The following DNAH5 variants were observed in gnomAD, a reference collection of about 807,000 sequenced individuals.
DNAH5 encodes dynein axonemal heavy chain 5.
DNAH5 carries 372 observed loss-of-function variants against 518.2 expected under a neutral mutation model. The ratio of observed to expected loss-of-function variants is 0.72; its 90% CI spans 0.66 to 0.78. DNAH5 has a LOEUF of 0.78. Among genes scored for constraint, DNAH5 ranks in the 30% least tolerant of loss-of-function variants. The pLI is 0.00. For synonymous variants in DNAH5, 2,039 were observed against 2,025.9 expected, an observed-to-expected ratio of 1.01 and a Z score of -0.17; for missense variants, 5,523 against 5,687.0, an observed-to-expected ratio of 0.97 and a Z score of 0.93.
At position 13,729,561 on chromosome 5, in the gene DNAH5, C is replaced by T. The variant is rs757223968; in HGVS notation, c.11762-1G>A. On this transcript the variant is annotated splice_acceptor_variant, in intron 68 of 78. Transcript: ENST00000265104. LOFTEE classifies it high-confidence loss of function. ...GCTTTAAGGTCTAATGAGGCACCTC[C>T]TTTAAAATTAAATATTAAATTATCA... 1 of 1,609,512 alleles carries T rather than the reference C, an allele frequency of 6.2e-7. No individual in the cohort carries two copies. The highest frequency in any genetic ancestry group is 1.1e-5 in the South Asian group (1 of 90,244).
At chr5:13,795,486 C>T (rs1489700670) in intron 47 of DNAH5, among the ~76,000 whole-genome samples, 1 of 152,136 alleles carries the variant, frequency 6.6e-6, no homozygotes, top group Non-Finnish European at 1.5e-5. Context: ...TACACCCTCC[C>T]AAGACTAAAC....
At chr5:13,835,790 C>T (rs1462918056) in intron 35 of DNAH5, among the ~76,000 whole-genome samples, 2 of 152,116 alleles carry the variant, frequency 1.3e-5, no homozygotes, top group Non-Finnish European at 2.9e-5. Context: ...GGAGCTTTTT[C>T]CTTCTTTCTT....
intron 55 of DNAH5, 131 bp from the exon 56 acceptor site, chr5:13,771,111 T>G (rs542749164): frequency 1.0e-4 from 81 of 774,580 alleles, no homozygotes; most frequent in South Asian, 9.5e-4. Context: ...GCTAGGTAGA[T>G]CTGTGTCAGC....
intron 1 of DNAH5, among the ~76,000 whole-genome samples, chr5:13,975,773 C>T (rs781285403): frequency 1.3e-5 from 2 of 152,158 alleles, no homozygotes; most frequent in Non-Finnish European, 2.9e-5. Flanking sequence ...TAACCTGTAG[C>T]TAAAAACTAC....
At chr5:13,789,035 A>G in intron 50 of DNAH5, 121 bp from the exon 51 acceptor site, 1 of 912,332 alleles carries the variant, frequency 1.1e-6, no homozygotes, top group Non-Finnish European at 1.7e-6. Flanking sequence ...TTAAAAAGTT[A>G]GGGTTCAAAT....
Position 13,901,412 on chromosome 5 carries a change from C to T in DNAH5, c.1892G>A (p.Arg631His), listed in dbSNP as rs370272258. 77 of 1,613,868 alleles carry T rather than the reference C, an allele frequency of 4.8e-5. No homozygotes were observed. The highest frequency in any genetic ancestry group is 5.8e-5 in the Non-Finnish European group (69 of 1,179,986). ...CTGCTGAATCCTATGGAAGAGCTGG[C>T]GGGCCCACAAAATCTTTCCAGCGAT... ...PPIAGKILWA[R>H]QLFHRIQQPM... is the part of the protein sequence containing the mutation. Residue 631 changes from arginine (R) to histidine (H), a missense_variant, in exon 14 of 79, where the codon CGC becomes CAC. Arg to His is a conservative substitution (Grantham distance 29). Transcript: ENST00000265104.
chr5:13,945,913 AT>A (rs1318706229), upstream of DNAH5, among the ~76,000 whole-genome samples: 1 of 152,102 alleles, frequency 6.6e-6, no homozygotes, highest in East Asian at 1.9e-4. Context: ...CCTGCAGGAT[AT>A]TTGTTGAAGT....
rs1771835966 is a variant in DNAH5, at chr5:13,882,673, GC to G, written c.3262+54del. 15 of 1,355,918 alleles carry G rather than the reference GC, an allele frequency of 1.1e-5. No homozygotes were observed. The South Asian group carries it at 1.8e-4, about 16-fold the overall frequency. 84.0% of individuals were successfully genotyped at this position (1,355,918 alleles called of 1,614,324 possible). On this transcript the variant is annotated intron_variant, in intron 21 of 78. Transcript: ENST00000265104. ...CATGGAGGGGTTAAAAAACATTTAA[GC>G]TCAATGAATGTTGATTTACAATGCC... is the stretch of plus-strand genomic sequence containing the variant.
chr5:13,717,540 G>GA lies in DNAH5; in HGVS notation c.12500-21dup. The GA allele has an allele frequency of 1.3e-6, 2 of 1,594,742 alleles. No individual in the cohort carries two copies. Among genetic ancestry groups the GA allele is most frequent in the Non-Finnish European group, 1.7e-6 (2 of 1,162,646 alleles). ...TGACACCTGTTGTGGTCAGTTGGGT[G>GA]AAAAATGTATCATCTCTCAAATGTC... On this transcript the variant is annotated intron_variant, in intron 72 of 78. Coordinates refer to ENST00000265104, the MANE Select transcript of DNAH5 (RefSeq NM_001369.3).
chr5:13,773,442 A>C (rs1289268799), intron 55 of DNAH5, among the ~76,000 whole-genome samples: 1 of 152,164 alleles, frequency 6.6e-6, no homozygotes, highest in East Asian at 1.9e-4. Flanking sequence ...AGGATGATTA[A>C]AGCATGTTCA....
chr5:13,713,138 C>T (rs1743744751), intron 75 of DNAH5, among the ~76,000 whole-genome samples: 4 of 142,076 alleles, frequency 2.8e-5, no homozygotes, highest in Admixed American at 2.2e-4. Context: ...CACACACTGA[C>T]ATATATATAC....
At chr5:13,768,042 C>A (rs2126771162) in intron 58 of DNAH5, among the ~76,000 whole-genome samples, 1 of 152,298 alleles carries the variant, frequency 6.6e-6, no homozygotes, top group Middle Eastern at 3.4e-3. Context: ...TAAGGTGTGG[C>A]CTAGTTCACT....
chr5:13,782,465 C>T (rs1369656134), intron 52 of DNAH5, among the ~76,000 whole-genome samples: 1 of 152,098 alleles, frequency 6.6e-6, no homozygotes, highest in Non-Finnish European at 1.5e-5. Flanking sequence ...CTGCTTGTCC[C>T]CTCTATGTGG....
chr5:13,739,339 T>C (rs1260114706), intron 65 of DNAH5, among the ~76,000 whole-genome samples: 2 of 152,160 alleles, frequency 1.3e-5, no homozygotes, highest in African/African-American at 2.4e-5. Context: ...TCACAAGATC[T>C]GATGGTTTTA....
rs1219671266 is a variant in DNAH5 at position 13,690,730 on chromosome 5, TTAA to T, written c.*1251_*1253del. On this transcript the variant is annotated 3_prime_UTR_variant, in exon 79 of 79. Transcript: ENST00000265104. ...AGTCAGTAGGTTAGATGAAGAATTA[TTAA>T]TAACATCTAACCAGAATTTAAAGAA... The T allele has an allele frequency of 6.6e-6, 1 of 152,258 alleles. No homozygotes were observed. The highest frequency in any genetic ancestry group is 1.5e-5 in the Non-Finnish European group (1 of 68,044). The allele number at this position is 152,258 out of a possible 1,614,324, so 9.4% of individuals were successfully genotyped here.
In DNAH5 at chr5:13,707,195, T is replaced by A. The variant is rs1742904930; in HGVS notation, c.13338+928A>T. Among the ~76,000 whole-genome samples the A allele has an allele frequency of 6.6e-6, 1 of 152,174 alleles. No individual in the cohort carries two copies. The highest frequency in any genetic ancestry group is 1.5e-5 in the Non-Finnish European group (1 of 68,014). ...CGACGTGGAATTTGCTCAGGCATGGTCAGAGAAGAGTCCGGTCACTGGGCG... is the reference window on the plus strand; with the variant it reads ...CGACGTGGAATTTGCTCAGGCATGGACAGAGAAGAGTCCGGTCACTGGGCG... On this transcript the variant is annotated intron_variant, in intron 76 of 78. Transcript: ENST00000265104. This position sits in a 1 kb window ranked among gnomAD's most constrained non-coding sequence, Gnocchi z 4.0.
chr5:13,849,776 C>T (rs746634926), intron 31 of DNAH5, among the ~76,000 whole-genome samples: 1 of 152,272 alleles, frequency 6.6e-6, no homozygotes, highest in Non-Finnish European at 1.5e-5. Flanking sequence ...TACCCTCTTA[C>T]AGGTCTTTTT....
chr5:13,742,291 CTT>C (rs1417281989), intron 65 of DNAH5, among the ~76,000 whole-genome samples: 1 of 152,036 alleles, frequency 6.6e-6, no homozygotes, highest in East Asian at 1.9e-4. Flanking sequence ...TGCACAAAAA[CTT>C]TTACCTTTCT....
chr5:13,928,981 T>G (rs1778153562), intron 2 of DNAH5, among the ~76,000 whole-genome samples: 1 of 152,186 alleles, frequency 6.6e-6, no homozygotes, highest in South Asian at 2.1e-4. Context: ...ATCCGGGAAC[T>G]CCACTTCTGG....
Sources: allele counts gnomAD v4.1 joint callset (sites outside exome capture counted in the v4.1 genomes callset), GRCh38; gene constraint gnomAD v4.1.1; non-coding constraint Gnocchi (gnomAD v3.1); transcripts MANE v1.5; gene names NCBI Gene and HGNC (gene_info 2026-07-23, HGNC 2026-07-21).